The following TBC1D22A variants were observed in gnomAD, a reference collection of about 807,000 sequenced individuals.
TBC1D22A encodes the protein TBC1 domain family member 22A.
TBC1D22A carries 38 observed loss-of-function variants against 60.2 expected under a neutral mutation model. The ratio of observed to expected loss-of-function variants is 0.63; its 90% confidence interval spans 0.49 to 0.83. The LOEUF (loss-of-function observed/expected upper bound fraction) is 0.83, where lower values mean the gene tolerates loss of function less well. TBC1D22A is among the 40% of genes least tolerant of loss of function. The pLI is 0.00. For synonymous variants in TBC1D22A, 302 were observed against 281.7 expected (o/e 1.07, Z -0.72); for missense variants, 628 against 701.0 (o/e 0.90, Z 1.18).
rs2083579945 is a variant in TBC1D22A, at chr22:46,773,608, G to A, written c.62+10760G>A. 1.3e-5 allele frequency among the ~76,000 whole-genome samples: 2 copies of A among 152,156 alleles called. 1 individual carries two copies. Among genetic ancestry groups the A allele is most frequent in the South Asian group, 4.1e-4 (2 of 4,826 alleles). On this transcript the variant is annotated intron_variant, in intron 1 of 12. Coordinates refer to ENST00000337137, the MANE Select transcript of TBC1D22A (RefSeq NM_014346.5). Reference sequence around the variant, plus strand: ...GCCTCCCCAGTAGCTGGGGCTACAGGCTCATGCCGCCACACCCAGCTCATT... The same window carrying A: ...GCCTCCCCAGTAGCTGGGGCTACAGACTCATGCCGCCACACCCAGCTCATT...
chr22:47,079,575 A>T (rs1039637514), intron 11 of TBC1D22A, among the ~76,000 whole-genome samples: 4 of 152,232 alleles, frequency 2.6e-5, no homozygotes, highest in African/African-American at 9.6e-5. Flanking sequence ...CTGAAGATAA[A>T]TTCAGATGAG....
At chr22:46,826,691 AGC>A (rs2086081618) in intron 4 of TBC1D22A, among the ~76,000 whole-genome samples, 1 of 152,078 alleles carries the variant, frequency 6.6e-6, no homozygotes, top group Non-Finnish European at 1.5e-5. Flanking sequence ...ACTGTCCCGG[AGC>A]TTGCTTGAGT....
intron 8 of TBC1D22A, among the ~76,000 whole-genome samples, chr22:46,967,859 G>A (rs2073879685): frequency 6.6e-6 from 1 of 151,348 alleles, no homozygotes; most frequent in African/African-American, 2.4e-5. Context: ...TACAAGCTAT[G>A]ATTCCATTGC....
chr22:46,865,815 T>G (rs2067025546), intron 4 of TBC1D22A, among the ~76,000 whole-genome samples: 1 of 152,188 alleles, frequency 6.6e-6, no homozygotes, highest in Admixed American at 6.5e-5. Flanking sequence ...AAAGATACTA[T>G]TGAAAATGCC....
At chr22:47,167,462 G>A (rs2068251723) in intron 12 of TBC1D22A, among the ~76,000 whole-genome samples, 1 of 152,234 alleles carries the variant, frequency 6.6e-6, no homozygotes, top group African/African-American at 2.4e-5. Context: ...AAGTGGGAGG[G>A]AGGGTTACAG....
intron 8 of TBC1D22A, among the ~76,000 whole-genome samples, chr22:46,934,934 G>T (rs1055088517): frequency 1.3e-5 from 2 of 152,196 alleles, no homozygotes; most frequent in Non-Finnish European, 2.9e-5. Context: ...GGGAGAGGGT[G>T]GGGAGGGGAG....
chr22:46,767,617 G>A (rs2083331494), intron 1 of TBC1D22A, among the ~76,000 whole-genome samples: 1 of 152,176 alleles, frequency 6.6e-6, no homozygotes, highest in South Asian at 2.1e-4. Context: ...CTGTTGGAAG[G>A]TGACAGCTGC....
intron 4 of TBC1D22A, among the ~76,000 whole-genome samples, chr22:46,861,976 A>G (rs1368004597): frequency 6.6e-6 from 1 of 152,250 alleles, no homozygotes; most frequent in Admixed American, 6.5e-5. Context: ...ATGTGGTGTC[A>G]GGACAGTGTA....
intron 4 of TBC1D22A, among the ~76,000 whole-genome samples, chr22:46,819,023 G>C (rs959345614): frequency 2.0e-5 from 3 of 152,104 alleles, no homozygotes; most frequent in Non-Finnish European, 4.4e-5. Flanking sequence ...TTCATGATTT[G>C]ACTCTCTGCT....
chr22:47,085,270 A>T (rs765392107), intron 11 of TBC1D22A, among the ~76,000 whole-genome samples: 1 of 152,318 alleles, frequency 6.6e-6, no homozygotes, highest in East Asian at 1.9e-4. Flanking sequence ...ATAGAGCAAG[A>T]CTCTGTCTTA....
chr22:47,051,149 G>T (rs1011788942), intron 11 of TBC1D22A, among the ~76,000 whole-genome samples: 11 of 152,134 alleles, frequency 7.2e-5, no homozygotes, highest in African/African-American at 2.7e-4. Context: ...GCTGTAGATT[G>T]TAGCAAAGGA....
chr22:46,797,305 A>G, intron 3 of TBC1D22A, 139 bp from the exon 4 acceptor site: 1 of 909,984 alleles, frequency 1.1e-6, no homozygotes, highest in Non-Finnish European at 1.7e-6. Flanking sequence ...GTTATTGCTC[A>G]AGAAACCAAG....
chr22:47,113,546 T>G (rs1298890193), intron 12 of TBC1D22A, among the ~76,000 whole-genome samples: 1 of 152,180 alleles, frequency 6.6e-6, no homozygotes, highest in African/African-American at 2.4e-5. Context: ...CTGGGCAGAC[T>G]CTAAGCCACA....
chr22:46,815,569 T>C (rs1266002432), intron 4 of TBC1D22A, among the ~76,000 whole-genome samples: 2 of 152,238 alleles, frequency 1.3e-5, no homozygotes, highest in African/African-American at 4.8e-5. Flanking sequence ...CATTTCTCTT[T>C]CTAATTTATT....
intron 1 of TBC1D22A, among the ~76,000 whole-genome samples, chr22:46,782,756 C>G (rs1314867818): frequency 6.6e-6 from 1 of 152,204 alleles, no homozygotes; most frequent in Non-Finnish European, 1.5e-5. Context: ...TTGCGTCTCT[C>G]AGCTTCATGT....
intron 11 of TBC1D22A, among the ~76,000 whole-genome samples, chr22:47,083,145 G>A: frequency 6.6e-6 from 1 of 152,152 alleles, no homozygotes; most frequent in Non-Finnish European, 1.5e-5. Context: ...AATCAAAATG[G>A]TGGTTTCCTC....
chr22:46,834,870 C>T (rs1422552994), intron 4 of TBC1D22A, among the ~76,000 whole-genome samples: 1 of 152,200 alleles, frequency 6.6e-6, no homozygotes, highest in East Asian at 1.9e-4. Context: ...TGAGCCTCTG[C>T]AGATTGTGTA....
At chr22:47,152,791 A>G (rs1261377033) in intron 12 of TBC1D22A, among the ~76,000 whole-genome samples, 1 of 152,110 alleles carries the variant, frequency 6.6e-6, no homozygotes, top group Non-Finnish European at 1.5e-5. Context: ...GTGGCGGCAG[A>G]GCAGAGGAGG....
At chr22:46,957,643 C>G (rs1367834745) in intron 8 of TBC1D22A, among the ~76,000 whole-genome samples, 2 of 152,342 alleles carry the variant, frequency 1.3e-5, no homozygotes, top group Admixed American at 6.5e-5. Flanking sequence ...GACTACCAGT[C>G]AGCAGATGGG....
Sources: allele counts gnomAD v4.1 joint callset (sites outside exome capture counted in the v4.1 genomes callset), GRCh38; gene constraint gnomAD v4.1.1; transcripts MANE v1.5; gene names NCBI Gene and HGNC (gene_info 2026-07-23, HGNC 2026-07-21).